Variants in NDUFS4 observed in about 807,000 individuals in gnomAD.
NDUFS4 encodes the protein NADH dehydrogenase [ubiquinone] iron-sulfur protein 4, mitochondrial.
Under a neutral mutation model 24.3 loss-of-function variants are expected in NDUFS4, and 28 were observed. The ratio of observed to expected loss-of-function variants is 1.15; its 90% CI spans 0.85 to 1.58. The LOEUF (loss-of-function observed/expected upper bound fraction) is 1.58, where lower values mean the gene tolerates loss of function less well. Ranked by LOEUF, NDUFS4 falls within the 40% of genes most tolerant of loss-of-function variation. The pLI is 0.00. For synonymous variants in NDUFS4, 93 were observed against 69.7 expected (o/e 1.34, Z -1.67); for missense variants, 223 against 207.9 (o/e 1.07, Z -0.45).
intron 1 of NDUFS4, among the ~76,000 whole-genome samples, chr5:53,582,246 T>TAAAATA (rs1168881967): frequency 0.027 from 3,344 of 124,130 alleles, 65 homozygotes; most frequent in Non-Finnish European, 0.028. Context: ...AAAATAAAAT[T>TAAAATA]AAATTAAAAT....
At chr5:53,630,812 T>G (rs188681216) in intron 2 of NDUFS4, among the ~76,000 whole-genome samples, 1 of 152,280 alleles carries the variant, frequency 6.6e-6, no homozygotes, top group African/African-American at 2.4e-5. Flanking sequence ...AGCTTCCTTG[T>G]TTTGGGTTAG....
At position 53,584,252 on chromosome 5, in the gene NDUFS4, G is replaced by A. The variant is rs148059364; in HGVS notation, c.99-19200G>A. Among the ~76,000 whole-genome samples the A allele has an allele frequency of 7.3e-4, 111 of 152,272 alleles. 1 individual carries two copies. Among genetic ancestry groups the A allele is most frequent in the African/African-American group, 2.6e-3 (106 of 41,564 alleles). On this transcript the variant is annotated intron_variant, in intron 1 of 4. Transcript: ENST00000296684. ...GTTATTATTGGGTTTAGCATTGTGC[G>A]TAAGACATAATAGATATTTCATAGT...
chr5:53,571,097 A>G (rs373357450), intron 1 of NDUFS4, among the ~76,000 whole-genome samples: 1 of 152,198 alleles, frequency 6.6e-6, no homozygotes, highest in African/African-American at 2.4e-5. Context: ...TTACTCATAT[A>G]AAGTATACAA....
intron 4 of NDUFS4, among the ~76,000 whole-genome samples, chr5:53,679,670 G>C (rs1740590485): frequency 6.6e-6 from 1 of 152,192 alleles, no homozygotes; most frequent in African/African-American, 2.4e-5. Flanking sequence ...GAGTGAATGA[G>C]AGAGTGATTA....
intron 4 of NDUFS4, among the ~76,000 whole-genome samples, chr5:53,665,899 A>T (rs1237716128): frequency 6.6e-6 from 1 of 152,074 alleles, no homozygotes; most frequent in African/African-American, 2.4e-5. Context: ...TGCAGAAATC[A>T]CCCGTCTTCT....
chr5:53,630,214 C>T (rs1351887545), intron 2 of NDUFS4, among the ~76,000 whole-genome samples: 12 of 152,216 alleles, frequency 7.9e-5, no homozygotes, highest in Admixed American at 7.9e-4. Context: ...GACCCCTACT[C>T]TCTTCTGGCT....
At chr5:53,646,203 A>G in intron 2 of NDUFS4, 30 bp from the exon 3 acceptor site, 1 of 1,551,208 alleles carries the variant, frequency 6.4e-7, no homozygotes, top group South Asian at 1.1e-5. Context: ...GGCTGTTTGA[A>G]ACGTGTTTTT....
chr5:53,677,884 TAGGTTA>T (rs1320787403), intron 4 of NDUFS4, among the ~76,000 whole-genome samples: 1 of 152,172 alleles, frequency 6.6e-6, no homozygotes, highest in Non-Finnish European at 1.5e-5. Context: ...GGTTTGAGAT[TAGGTTA>T]TTAGAGAAGA....
At chr5:53,681,683 G>A (rs1740670752) in intron 4 of NDUFS4, among the ~76,000 whole-genome samples, 1 of 152,082 alleles carries the variant, frequency 6.6e-6, no homozygotes, top group Admixed American at 6.6e-5. Flanking sequence ...CCTGGATTCT[G>A]ATGTTTCATT....
intron 4 of NDUFS4, among the ~76,000 whole-genome samples, chr5:53,661,792 T>TTGGC (rs1469275158): frequency 1.8e-5 from 1 of 56,266 alleles, no homozygotes; most frequent in Admixed American, 2.0e-4. Flanking sequence ...CACTCATGAT[T>TTGGC]TGGCTGTCTG....
intron 2 of NDUFS4, among the ~76,000 whole-genome samples, chr5:53,635,422 A>C (rs1268977930): frequency 6.6e-6 from 1 of 152,012 alleles, no homozygotes; most frequent in Admixed American, 6.6e-5. Context: ...CAGGAGGCTG[A>C]GGTGGTATGA....
chr5:53,666,662 ACAGTGGCT>A (rs1238028229), intron 4 of NDUFS4, among the ~76,000 whole-genome samples: 1 of 152,074 alleles, frequency 6.6e-6, no homozygotes, highest in Admixed American at 6.6e-5. Flanking sequence ...CTGACTGGGC[ACAGTGGCT>A]CATGCCTGTA....
chr5:53,655,410 T>C (rs997066985), intron 3 of NDUFS4, among the ~76,000 whole-genome samples: 1 of 151,744 alleles, frequency 6.6e-6, no homozygotes, highest in African/African-American at 2.4e-5. Flanking sequence ...ATCCTTTATG[T>C]GCTCTTTTGT....
intron 4 of NDUFS4, among the ~76,000 whole-genome samples, chr5:53,679,920 C>T (rs749332002): frequency 6.6e-6 from 1 of 152,118 alleles, no homozygotes; most frequent in Non-Finnish European, 1.5e-5. Context: ...GAAACCATTT[C>T]CTTCCTCACA....
chr5:53,583,123 C>A (rs930503804), intron 1 of NDUFS4, among the ~76,000 whole-genome samples: 1 of 152,032 alleles, frequency 6.6e-6, no homozygotes, highest in Non-Finnish European at 1.5e-5. Flanking sequence ...ATGATCCGCC[C>A]GCCTCGGCCT....
At chr5:53,655,519 C>T (rs1313651307) in intron 3 of NDUFS4, among the ~76,000 whole-genome samples, 1 of 151,866 alleles carries the variant, frequency 6.6e-6, no homozygotes, top group East Asian at 1.9e-4. Flanking sequence ...ATGTATAATA[C>T]AGTACTAAAA....
intron 1 of NDUFS4, among the ~76,000 whole-genome samples, chr5:53,595,330 T>G (rs1381575076): frequency 1.3e-5 from 2 of 152,212 alleles, no homozygotes; most frequent in East Asian, 3.8e-4. Flanking sequence ...AGTTAATAAT[T>G]GACATCTTTG....
chr5:53,654,688 G>T (rs1246288298), intron 3 of NDUFS4, among the ~76,000 whole-genome samples: 1 of 152,022 alleles, frequency 6.6e-6, no homozygotes, highest in African/African-American at 2.4e-5. Flanking sequence ...TAAGCTTCCC[G>T]AGAAGAAACT....
chr5:53,646,043 A>G (rs767573997), intron 2 of NDUFS4, among the ~76,000 whole-genome samples, 190 bp from the exon 3 acceptor site: 3 of 152,124 alleles, frequency 2.0e-5, no homozygotes, highest in Non-Finnish European at 4.4e-5. Flanking sequence ...CCCCTAAATA[A>G]ACCATTTACA....
Sources: allele counts gnomAD v4.1 joint callset (sites outside exome capture counted in the v4.1 genomes callset), GRCh38; gene constraint gnomAD v4.1.1; transcripts MANE v1.5; gene names NCBI Gene and HGNC (gene_info 2026-07-23, HGNC 2026-07-21).